Variants in PRKCE observed in about 807,000 individuals in gnomAD.
PRKCE encodes protein kinase C epsilon type.
PRKCE carries 16 observed loss-of-function variants against 85.4 expected under a neutral mutation model. That is an observed-to-expected ratio of 0.19 (90% confidence interval 0.13 to 0.28). The LOEUF is 0.28. Ranked by LOEUF, PRKCE falls within the 10% of genes least tolerant of loss-of-function variation. PRKCE has a pLI of 1.00. For synonymous variants in PRKCE, 388 were observed against 371.5 expected, an observed-to-expected ratio of 1.04 and a Z score of -0.51; for missense variants, 573 against 975.2, an observed-to-expected ratio of 0.59 and a Z score of 5.49.
At chr2:45,694,333 T>C (rs991599496) in intron 1 of PRKCE, among the ~76,000 whole-genome samples, 5 of 152,104 alleles carry the variant, frequency 3.3e-5, no homozygotes, top group South Asian at 2.1e-4. Context: ...CCCCTGCCTC[T>C]CTCTAGATCT....
chr2:46,120,014 T>TC (rs3835758), intron 11 of PRKCE, among the ~76,000 whole-genome samples: 51,114 of 152,064 alleles, frequency 0.34, 9,930 homozygotes, highest in African/African-American at 0.54. Flanking sequence ...CTATGCTTTG[T>TC]CTGTTAAGCC....
chr2:46,113,566 T>C (rs1396175143), intron 11 of PRKCE, among the ~76,000 whole-genome samples: 1 of 152,208 alleles, frequency 6.6e-6, no homozygotes, highest in Non-Finnish European at 1.5e-5. Context: ...ACTTTGGACC[T>C]GACGAAGGCA....
At chr2:46,132,129 C>G (rs1271810752) in intron 11 of PRKCE, among the ~76,000 whole-genome samples, 1 of 152,130 alleles carries the variant, frequency 6.6e-6, no homozygotes, top group Non-Finnish European at 1.5e-5. Flanking sequence ...CCTTCACTGA[C>G]TGACCACGCT....
intron 14 of PRKCE, among the ~76,000 whole-genome samples, chr2:46,177,138 G>A (rs918493288): frequency 3.3e-5 from 5 of 152,176 alleles, no homozygotes; most frequent in African/African-American, 7.2e-5. Context: ...ATTTCAGGCC[G>A]AGTATGGTAG....
intron 1 of PRKCE, among the ~76,000 whole-genome samples, chr2:45,733,362 G>C (rs928733563): frequency 9.9e-5 from 15 of 152,198 alleles, no homozygotes; most frequent in Non-Finnish European, 1.3e-4. Flanking sequence ...GAGGAGCTTG[G>C]GATATGTGAG....
chr2:45,789,432 G>A (rs1686863696), intron 1 of PRKCE, among the ~76,000 whole-genome samples: 1 of 152,162 alleles, frequency 6.6e-6, no homozygotes, highest in Non-Finnish European at 1.5e-5. Flanking sequence ...TGAGACCTTG[G>A]CTCTACAAAA....
intron 2 of PRKCE, among the ~76,000 whole-genome samples, chr2:45,947,966 T>C (rs2104299000): frequency 6.6e-6 from 1 of 152,334 alleles, no homozygotes; most frequent in Middle Eastern, 3.4e-3. Context: ...GTCCGCAGTG[T>C]TGTTTTTGTA....
At position 45,651,868 on chromosome 2, in the gene PRKCE, A is replaced by T. The variant is rs1157102128; in HGVS notation, c.-233A>T. ...GGAGAGACTTGCTCCAAACACGGAC[A>T]TCCCCCAGCTCTCCCCCCTCCCTGT... On this transcript the variant is annotated 5_prime_UTR_variant, in exon 1 of 15. Transcript: ENST00000306156. The T allele has an allele frequency of 2.2e-5, 9 of 406,406 alleles. No homozygotes were observed. The East Asian group carries it at 2.3e-4, about 11-fold the overall frequency. The allele number at this position is 406,406 out of a possible 1,614,324, so 25.2% of individuals were successfully genotyped here. A position where few individuals can be genotyped will look rare whatever the true frequency, so the allele number is the denominator to read the frequency against.
At chr2:45,981,361 C>T (rs946828100) in intron 5 of PRKCE, among the ~76,000 whole-genome samples, 2 of 152,198 alleles carry the variant, frequency 1.3e-5, no homozygotes, top group African/African-American at 4.8e-5. Flanking sequence ...TTATAATCAG[C>T]TGGTCTACAA....
intron 10 of PRKCE, among the ~76,000 whole-genome samples, chr2:46,060,433 G>T (rs1460401061): frequency 6.6e-6 from 1 of 152,162 alleles, no homozygotes; most frequent in East Asian, 1.9e-4. Flanking sequence ...AGCAGTGAGG[G>T]TTAAGTGAGT....
At chr2:46,148,853 G>T (rs1184248931) in intron 12 of PRKCE, among the ~76,000 whole-genome samples, 2 of 152,202 alleles carry the variant, frequency 1.3e-5, no homozygotes, top group African/African-American at 2.4e-5. Context: ...TTGAGGTTGA[G>T]GGAGGAGTTG....
intron 6 of PRKCE, among the ~76,000 whole-genome samples, chr2:45,993,196 C>A (rs1703949146): frequency 6.6e-6 from 1 of 152,184 alleles, no homozygotes; most frequent in South Asian, 2.1e-4. Context: ...AATGCAAATG[C>A]ATCTCAGGTT....
intron 1 of PRKCE, among the ~76,000 whole-genome samples, chr2:45,727,770 TC>T (rs1227672181): frequency 6.6e-6 from 1 of 152,224 alleles, no homozygotes; most frequent in East Asian, 1.9e-4. Flanking sequence ...TTCTCCCGCT[TC>T]AGCCTCCTGA....
At chr2:45,772,122 C>T (rs1165175499) in intron 1 of PRKCE, among the ~76,000 whole-genome samples, 2 of 97,064 alleles carry the variant, frequency 2.1e-5, no homozygotes, top group Non-Finnish European at 5.5e-5. Flanking sequence ...AGTAGGTAGT[C>T]CGAGTGCAGC....
intron 11 of PRKCE, among the ~76,000 whole-genome samples, chr2:46,097,381 G>C (rs973832341): frequency 1.3e-5 from 2 of 152,058 alleles, no homozygotes; most frequent in South Asian, 2.1e-4. Context: ...TTAGCCGGGC[G>C]TGGTGGCGGG....
At chr2:46,102,204 G>A (rs1386994874) in intron 11 of PRKCE, among the ~76,000 whole-genome samples, 4 of 152,114 alleles carry the variant, frequency 2.6e-5, no homozygotes, top group Non-Finnish European at 5.9e-5. Context: ...CACCACTGGA[G>A]TATACAGTTT....
intron 10 of PRKCE, among the ~76,000 whole-genome samples, chr2:46,036,123 C>A (rs1360185623): frequency 6.6e-6 from 1 of 152,146 alleles, no homozygotes; most frequent in Non-Finnish European, 1.5e-5. Context: ...CCTGGCAGAT[C>A]GAGTGGCCCG....
At chr2:45,970,967 GAC>G (rs1187391883) in intron 2 of PRKCE, among the ~76,000 whole-genome samples, 32 of 151,702 alleles carry the variant, frequency 2.1e-4, no homozygotes, top group African/African-American at 7.0e-4. Context: ...TTATACATCA[GAC>G]ACACGCATAT....
At chr2:45,829,997 T>C (rs954391171) in intron 1 of PRKCE, among the ~76,000 whole-genome samples, 2 of 140,256 alleles carry the variant, frequency 1.4e-5, no homozygotes, top group South Asian at 2.2e-4. Flanking sequence ...GGCGTGAACC[T>C]GGGAGGCGGA....
Sources: allele counts gnomAD v4.1 joint callset (sites outside exome capture counted in the v4.1 genomes callset), GRCh38; gene constraint gnomAD v4.1.1; transcripts MANE v1.5; gene names NCBI Gene and HGNC (gene_info 2026-07-23, HGNC 2026-07-21).